Variants in SLC10A7 observed in about 807,000 individuals in gnomAD.
SLC10A7 encodes solute carrier family 10 member 7, also known as sodium/bile acid cotransporter 7.
A neutral mutation model predicts 43.2 loss-of-function variants in SLC10A7; 29 were observed. That is an observed-to-expected ratio of 0.67 (90% CI 0.50 to 0.92). The LOEUF is 0.92. Ranked by LOEUF, SLC10A7 falls within the 40% of genes least tolerant of loss-of-function variation. SLC10A7 has a pLI of 0.00. For synonymous variants in SLC10A7, 152 were observed against 144.8 expected, an observed-to-expected ratio of 1.05 and a Z score of -0.35; for missense variants, 295 against 403.2, an observed-to-expected ratio of 0.73 and a Z score of 2.30.
At chr4:146,423,281 G>C (rs1729088926) in intron 5 of SLC10A7, among the ~76,000 whole-genome samples, 1 of 151,918 alleles carries the variant, frequency 6.6e-6, no homozygotes, top group East Asian at 1.9e-4. Context: ...TAACTCCTAG[G>C]TCTATTTAAC....
chr4:146,273,549 AAGTACCTAGTAT>A (rs1729022264), intron 10 of SLC10A7, among the ~76,000 whole-genome samples: 1 of 152,142 alleles, frequency 6.6e-6, no homozygotes, highest in African/African-American at 2.4e-5. Flanking sequence ...AGTGTATGGG[AAGTACCTAGTAT>A]AGTACCTGGC....
chr4:146,361,215 C>T (rs1468999476), intron 5 of SLC10A7, among the ~76,000 whole-genome samples: 1 of 152,112 alleles, frequency 6.6e-6, no homozygotes, highest in Non-Finnish European at 1.5e-5. Context: ...TTCTGTGGCA[C>T]TCATATAATG....
chr4:146,503,653 T>C (rs150230579), intron 4 of SLC10A7, among the ~76,000 whole-genome samples, 196 bp downstream of exon 4: 2 of 152,332 alleles, frequency 1.3e-5, no homozygotes, highest in African/African-American at 4.8e-5. Flanking sequence ...TGCTCTTCTC[T>C]TTGAAATCCT....
At chr4:146,497,994 A>G (rs761090927) in intron 4 of SLC10A7, among the ~76,000 whole-genome samples, 3 of 152,160 alleles carry the variant, frequency 2.0e-5, no homozygotes, top group Non-Finnish European at 4.4e-5. Flanking sequence ...ACAAATATAT[A>G]TAGTTTTAAA....
intron 4 of SLC10A7, among the ~76,000 whole-genome samples, chr4:146,466,172 C>T (rs777067141): frequency 3.3e-5 from 5 of 152,144 alleles, no homozygotes; most frequent in Non-Finnish European, 5.9e-5. Flanking sequence ...TGAGGGATTA[C>T]ATGTTCTAAT....
intron 4 of SLC10A7, among the ~76,000 whole-genome samples, chr4:146,464,072 G>A (rs1732789234): frequency 6.6e-6 from 1 of 151,276 alleles, no homozygotes; most frequent in South Asian, 2.1e-4. Context: ...CAGTCCTTCC[G>A]CCTTGGCCTC....
intron 6 of SLC10A7, among the ~76,000 whole-genome samples, chr4:146,318,835 TG>T (rs1732500600): frequency 6.6e-6 from 1 of 152,040 alleles, no homozygotes; most frequent in Non-Finnish European, 1.5e-5. Context: ...TGCTCAGGCC[TG>T]GAGTCATCTT....
chr4:146,333,203 C>T (rs1733653981), intron 5 of SLC10A7, among the ~76,000 whole-genome samples: 1 of 151,898 alleles, frequency 6.6e-6, no homozygotes, highest in Non-Finnish European at 1.5e-5. Flanking sequence ...TTTTTTCAGG[C>T]CAAAATTAAG....
intron 9 of SLC10A7, among the ~76,000 whole-genome samples, chr4:146,288,875 C>T (rs1051177004): frequency 1.1e-4 from 17 of 151,836 alleles, no homozygotes; most frequent in African/African-American, 3.9e-4. Flanking sequence ...CCTTTTCTTC[C>T]CAACTGGTCT....
At chr4:146,336,963 A>G (rs779935418) in intron 5 of SLC10A7, among the ~76,000 whole-genome samples, 6 of 152,062 alleles carry the variant, frequency 3.9e-5, no homozygotes, top group Non-Finnish European at 7.4e-5. Flanking sequence ...TGAAAAAGCA[A>G]ACCTTCAGGC....
chr4:146,361,002 C>T (rs201648072), intron 5 of SLC10A7, among the ~76,000 whole-genome samples: 1 of 152,106 alleles, frequency 6.6e-6, no homozygotes, highest in African/African-American at 2.4e-5. Context: ...ATTTTCTGCT[C>T]TCTACTCCCT....
At chr4:146,487,933 C>T (rs571059520) in intron 4 of SLC10A7, among the ~76,000 whole-genome samples, 97 of 151,802 alleles carry the variant, frequency 6.4e-4, no homozygotes, top group African/African-American at 2.2e-3. Flanking sequence ...GTGGTGCACA[C>T]CTTGAGTCCC....
chr4:146,513,038 A>G (rs1020041654), intron 2 of SLC10A7, among the ~76,000 whole-genome samples: 4 of 152,174 alleles, frequency 2.6e-5, no homozygotes, highest in Admixed American at 1.3e-4. Context: ...GGGAAGTAGA[A>G]TATGCATGTG....
chr4:146,361,463 A>C (rs1429051303), intron 5 of SLC10A7, among the ~76,000 whole-genome samples: 1 of 152,168 alleles, frequency 6.6e-6, no homozygotes, highest in Non-Finnish European at 1.5e-5. Context: ...CCTTATTTCC[A>C]CAAGTCTGCC....
rs1273173600 is a variant in SLC10A7 at position 146,313,526 on chromosome 4, G to GT, written c.472-7518dup. On this transcript the variant is annotated intron_variant, in intron 6 of 11. Transcript: ENST00000335472. ...AGCAACTGAGACAATCAGATGGCTA[G>GT]TTTTTTTTCAAGTGGTTTTAGGTTT... is the stretch of plus-strand genomic sequence containing the variant. Among the ~76,000 whole-genome samples, 6 of 151,876 alleles carry GT rather than the reference G, an allele frequency of 4.0e-5. No homozygotes were observed. The East Asian group carries it at 9.7e-4, about 24-fold the overall frequency.
intron 4 of SLC10A7, among the ~76,000 whole-genome samples, chr4:146,465,007 G>GA (rs1293299559): frequency 1.3e-5 from 2 of 152,090 alleles, no homozygotes; most frequent in Non-Finnish European, 2.9e-5. Flanking sequence ...AATTTCTTAT[G>GA]AAACAAAGAC....
chr4:146,428,549 CTT>C (rs11306173), intron 5 of SLC10A7, among the ~76,000 whole-genome samples: 109 of 145,230 alleles, frequency 7.5e-4, no homozygotes, highest in Non-Finnish European at 1.3e-3. Flanking sequence ...CACCTTGGCT[CTT>C]TTTTTTTTTT....
chr4:146,436,798 C>G (rs1022713122), intron 5 of SLC10A7, among the ~76,000 whole-genome samples: 6 of 152,094 alleles, frequency 3.9e-5, no homozygotes, highest in African/African-American at 1.2e-4. Context: ...GAATACGCAG[C>G]AGAGGTTAGC....
chr4:146,288,244 G>A (rs183023216), intron 9 of SLC10A7, among the ~76,000 whole-genome samples: 13 of 152,322 alleles, frequency 8.5e-5, no homozygotes, highest in African/African-American at 1.7e-4. Context: ...GGACTGGAGC[G>A]CTGTATCGGG....
Sources: allele counts gnomAD v4.1 joint callset (sites outside exome capture counted in the v4.1 genomes callset), GRCh38; gene constraint gnomAD v4.1.1; transcripts MANE v1.5; gene names NCBI Gene and HGNC (gene_info 2026-07-23, HGNC 2026-07-21).